The following VWDE variants were observed in gnomAD, a reference collection of about 807,000 sequenced individuals.
The protein encoded by VWDE is von Willebrand factor D and EGF domains, also known as von Willebrand factor D and EGF domain-containing protein.
A neutral mutation model predicts 178.4 loss-of-function variants in VWDE; 207 were observed. The observed-to-expected ratio is 1.16, with a 90% CI of 1.04 to 1.30. The LOEUF is 1.30. Ranked by LOEUF, VWDE falls within the 50% of genes most tolerant of loss-of-function variation. The probability of loss-of-function intolerance (pLI) is 0.00; values close to 1 mark genes in which losing one functional copy is unlikely to be tolerated. For synonymous variants in VWDE, 738 were observed against 651.4 expected (o/e 1.13, Z -2.02); for missense variants, 2,287 against 1,901.3 (o/e 1.20, Z -3.77).
Position 12,374,775 on chromosome 7 carries a change from G to T in VWDE, c.1243-13C>A. The T allele has an allele frequency of 6.7e-7, 1 of 1,501,654 alleles. No homozygotes were observed. The highest frequency in any genetic ancestry group is 9.0e-7 in the Non-Finnish European group (1 of 1,117,268). The allele number at this position is 1,501,654 out of a possible 1,614,324, so 93.0% of individuals were successfully genotyped here. A position where few individuals can be genotyped will look rare whatever the true frequency, so the allele number is the denominator to read the frequency against. Reference sequence around the variant, plus strand: ...CCTTTACTTTGATCTTAAAAGCAAAGATATTTTTGGTAAATATTACCATTA... The same window carrying T: ...CCTTTACTTTGATCTTAAAAGCAAATATATTTTTGGTAAATATTACCATTA... On this transcript the variant is annotated splice_polypyrimidine_tract_variant and intron_variant, in intron 8 of 28. Transcript: ENST00000275358.
chr7:12,396,540 A>C (rs1489376710), intron 1 of VWDE, among the ~76,000 whole-genome samples: 11 of 152,214 alleles, frequency 7.2e-5, no homozygotes, highest in Admixed American at 7.2e-4. Flanking sequence ...GTAATGAGAA[A>C]TAAAAACTAA....
chr7:12,399,182 A>T lies in VWDE; in HGVS notation c.58+4477T>A, dbSNP rs112618263. Among the ~76,000 whole-genome samples the T allele has an allele frequency of 2.4e-3, 367 of 152,304 alleles. 1 individual carries two copies. Among genetic ancestry groups the T allele is most frequent in the African/African-American group, 8.3e-3 (347 of 41,576 alleles). Reference sequence around the variant, plus strand: ...TGGCTTTCTTTACGTATCAAAAGACAAACTGAGGTCCTCTTCTGCACACAA... The same window carrying T: ...TGGCTTTCTTTACGTATCAAAAGACTAACTGAGGTCCTCTTCTGCACACAA... On this transcript the variant is annotated intron_variant, in intron 1 of 28. Coordinates refer to ENST00000275358, the MANE Select transcript of VWDE (RefSeq NM_001135924.3).
At chr7:12,336,562 A>C (rs1045642933) in intron 26 of VWDE, among the ~76,000 whole-genome samples, 5 of 152,186 alleles carry the variant, frequency 3.3e-5, no homozygotes, top group African/African-American at 1.2e-4. Context: ...AATTTATAGA[A>C]AGGAAAAAAA....
intron 12 of VWDE, among the ~76,000 whole-genome samples, chr7:12,368,236 T>C (rs1314099397): frequency 6.8e-6 from 1 of 146,524 alleles, no homozygotes; most frequent in African/African-American, 2.6e-5. Flanking sequence ...GATGGGAGGA[T>C]TAAAAAAAAA....
chr7:12,389,030 T>C (rs1784241217), intron 3 of VWDE, 97 bp downstream of exon 3: 3 of 889,542 alleles, frequency 3.4e-6, no homozygotes, highest in African/African-American at 1.7e-5. Flanking sequence ...AGTATCTTAC[T>C]GAGATTTGCA....
intron 18 of VWDE, among the ~76,000 whole-genome samples, chr7:12,355,108 T>C (rs961081543): frequency 6.6e-6 from 1 of 152,148 alleles, no homozygotes. Flanking sequence ...TCTACATTCA[T>C]AGTTCCCAAT....
At chr7:12,337,327 T>A (rs1488972599) in intron 24 of VWDE, 55 bp from the exon 25 acceptor site, 14 of 1,377,326 alleles carry the variant, frequency 1.0e-5, no homozygotes, top group Non-Finnish European at 1.4e-5. Context: ...TTACTACATA[T>A]GATACATTGC....
intron 18 of VWDE, chr7:12,353,774 G>A (rs1017863931): frequency 5.3e-5 from 8 of 152,242 alleles, no homozygotes; most frequent in Non-Finnish European, 1.0e-4. Flanking sequence ...AAAATTTTAA[G>A]AGAGTCTCCA....
rs1781418202 is a variant in VWDE, at chr7:12,343,135, A to G, written c.4122T>C (p.Ala1374=). The part of the protein sequence containing the change: ...PPCQHGGTCL[A]GNLCTCPYGF... The stretch of plus-strand genomic sequence containing the variant: ...CATAAGGACAAGTGCAGAGATTCCC[A>G]GCCAAGCATGTGCCACCATGTTGAC... The change falls in exon 22 of 29, where the codon GCT becomes GCC. Residue 1374 remains alanine (A), a synonymous_variant. Coordinates refer to ENST00000275358, the MANE Select transcript of VWDE (RefSeq NM_001135924.3). 1.9e-6 allele frequency: 3 copies of G among 1,550,052 alleles called. No individual in the cohort carries two copies. The highest frequency in any genetic ancestry group is 1.4e-5 in the African/African-American group (1 of 73,100).
rs1023014219 is a variant in VWDE at position 12,393,628 on chromosome 7, T to C, written c.209A>G (p.Asp70Gly). 1.0e-5 allele frequency: 16 copies of C among 1,550,598 alleles called. No homozygotes were observed. Among genetic ancestry groups the C allele is most frequent in the Non-Finnish European group, 1.4e-5 (16 of 1,146,454 alleles). Residue 70 changes from aspartate to glycine, a missense_variant, in exon 2 of 29, where the codon GAC (aspartate) becomes GGC (glycine). Transcript: ENST00000275358. ...TTTGGTTGGCATCTCGGCAGGTCTG[T>C]CAAGGATGAGAAATCTATACCATCC... is the stretch of plus-strand genomic sequence containing the variant. ...SPGWYRFLIL[D>G]RPAEMPTKCV... is the part of the protein sequence containing the mutation.
chr7:12,388,972 C>G (rs1784237652), intron 3 of VWDE, 155 bp downstream of exon 3: 2 of 741,572 alleles, frequency 2.7e-6, no homozygotes, highest in Non-Finnish European at 4.9e-6. Flanking sequence ...AGAAATTTGA[C>G]CAATGTAAAC....
At chr7:12,375,889 C>G (rs1019602247) in intron 7 of VWDE, among the ~76,000 whole-genome samples, 3 of 151,854 alleles carry the variant, frequency 2.0e-5, no homozygotes, top group African/African-American at 7.2e-5. Context: ...GAAAAGAACT[C>G]CAGGAATTTG....
chr7:12,347,995 T>C (rs1470019753), intron 19 of VWDE, among the ~76,000 whole-genome samples: 1 of 152,164 alleles, frequency 6.6e-6, no homozygotes, highest in East Asian at 1.9e-4. Flanking sequence ...ACTTAATAAA[T>C]GGTGCTGGGA....
chr7:12,379,703 G>C (rs1583331636), intron 5 of VWDE, 137 bp from the exon 6 acceptor site: 1 of 567,650 alleles, frequency 1.8e-6, no homozygotes, highest in African/African-American at 1.9e-5. Context: ...TAATTTAAAA[G>C]CTTACTTGAT....
chr7:12,396,850 A>T (rs1409193955), intron 1 of VWDE, among the ~76,000 whole-genome samples: 1 of 152,022 alleles, frequency 6.6e-6, no homozygotes, highest in African/African-American at 2.4e-5. Context: ...CAGGAGAATC[A>T]CTTGAACCCA....
chr7:12,375,278 A>G, intron 7 of VWDE, 51 bp from the exon 8 acceptor site: 2 of 1,216,580 alleles, frequency 1.6e-6, no homozygotes, highest in Non-Finnish European at 1.2e-6. Flanking sequence ...TATACTAACC[A>G]AAGCATGTAA....
chr7:12,375,328 C>T, intron 7 of VWDE, 101 bp from the exon 8 acceptor site: 1 of 987,848 alleles, frequency 1.0e-6, no homozygotes, highest in Non-Finnish European at 1.5e-6. Context: ...TAAGATTATT[C>T]TCAAATTATT....
intron 3 of VWDE, among the ~76,000 whole-genome samples, chr7:12,384,001 T>G (rs2128559473): frequency 6.6e-6 from 1 of 152,276 alleles, no homozygotes; most frequent in African/African-American, 2.4e-5. Flanking sequence ...CATGCTCCTC[T>G]ATGTTTACCC....
At position 12,385,689 on chromosome 7, in the gene VWDE, T is replaced by A. The variant is rs560154987; in HGVS notation, c.476-2088A>T. On this transcript the variant is annotated intron_variant, in intron 3 of 28. Coordinates refer to ENST00000275358, the MANE Select transcript of VWDE (RefSeq NM_001135924.3). ...AAGTAGATTAAGTGACTGTCATTTTTGTTTGCTATCTATGCAGTCTAATTT... is the reference window on the plus strand; with the variant it reads ...AAGTAGATTAAGTGACTGTCATTTTAGTTTGCTATCTATGCAGTCTAATTT... Among the ~76,000 whole-genome samples, 94 of 152,348 alleles carry A rather than the reference T, an allele frequency of 6.2e-4. 1 individual carries two copies. Among genetic ancestry groups the A allele is most frequent in the African/African-American group, 2.2e-3 (92 of 41,588 alleles).
Sources: gnomAD v4.1 joint callset for allele counts (sites outside exome capture counted in the v4.1 genomes callset) on GRCh38, gnomAD v4.1.1 for gene constraint, MANE v1.5 for transcripts, NCBI Gene and HGNC (gene_info 2026-07-23, HGNC 2026-07-21) for gene names.